CTNNA2: variants seen among roughly 807,000 people sequenced by gnomAD.
CTNNA2 encodes the protein catenin alpha 2, also known as catenin alpha-2.
In CTNNA2, 42 loss-of-function variants were observed where a neutral mutation model predicts 101.0. That is an observed-to-expected ratio of 0.42 (90% CI 0.32 to 0.54). The LOEUF is 0.54. Ranked by LOEUF, CTNNA2 falls within the 20% of genes least tolerant of loss-of-function variation. The pLI, the probability that CTNNA2 is intolerant of heterozygous loss-of-function variation, is 0.14. For synonymous variants in CTNNA2, 450 were observed against 456.4 expected (o/e 0.99, Z 0.18); for missense variants, 871 against 1,223.1 (o/e 0.71, Z 4.29).
chr2:80,084,767 A>G (rs147833955), intron 7 of CTNNA2, among the ~76,000 whole-genome samples: 5 of 152,198 alleles, frequency 3.3e-5, no homozygotes, highest in African/African-American at 1.2e-4. Flanking sequence ...ACTTATGTAA[A>G]TAAGCAAAGG....
chr2:80,619,591 A>AT (rs1670895958), intron 18 of CTNNA2, among the ~76,000 whole-genome samples: 3 of 152,024 alleles, frequency 2.0e-5, no homozygotes, highest in East Asian at 3.9e-4. Context: ...TGTTTGGAAG[A>AT]TTTCAGGGTC....
intron 7 of CTNNA2, among the ~76,000 whole-genome samples, chr2:80,201,231 C>T (rs943210221): frequency 3.3e-5 from 5 of 151,872 alleles, no homozygotes; most frequent in African/African-American, 1.2e-4. Flanking sequence ...TGCTCAGTTG[C>T]TTGAATCCAT....
In CTNNA2 at chr2:79,825,804, A is replaced by G. The variant is rs896304733; in HGVS notation, c.299-32209A>G. Among the ~76,000 whole-genome samples the G allele has an allele frequency of 3.9e-5, 6 of 152,224 alleles. No homozygotes were observed. The South Asian group carries it at 8.3e-4, about 21-fold the overall frequency. On this transcript the variant is annotated intron_variant, in intron 3 of 18. Coordinates refer to ENST00000402739, the MANE Select transcript of CTNNA2 (RefSeq NM_001282597.3). ...GAAAAAAGTGAAGAAGCTTGGGACC[A>G]AGCCCTGAGGATCAGAAGCATTTAG...
At chr2:79,279,018 T>C (rs1356691614) in intron 2 of CTNNA2, among the ~76,000 whole-genome samples, 1 of 152,144 alleles carries the variant, frequency 6.6e-6, no homozygotes, top group Admixed American at 6.5e-5. Context: ...GGAGATGATG[T>C]GCAGATAATC....
At chr2:79,821,781 C>A (rs1170638782) in intron 3 of CTNNA2, among the ~76,000 whole-genome samples, 1 of 152,090 alleles carries the variant, frequency 6.6e-6, no homozygotes, top group Admixed American at 6.6e-5. Context: ...ACATATGGAA[C>A]AAGAACCTGG....
intron 7 of CTNNA2, among the ~76,000 whole-genome samples, chr2:79,926,866 C>T (rs1193866449): frequency 1.3e-5 from 2 of 151,646 alleles, no homozygotes; most frequent in African/African-American, 4.8e-5. Flanking sequence ...TATTAAGTCC[C>T]TTCCAAATAA....
chr2:79,261,458 AAG>A (rs1674920425), intron 2 of CTNNA2, among the ~76,000 whole-genome samples: 1 of 152,336 alleles, frequency 6.6e-6, no homozygotes, highest in South Asian at 2.1e-4. Context: ...CTGCTATATG[AAG>A]ATATCACAGA....
intron 13 of CTNNA2, among the ~76,000 whole-genome samples, chr2:80,577,793 G>A (rs1224178749): frequency 1.4e-5 from 2 of 143,504 alleles, no homozygotes; most frequent in Non-Finnish European, 3.0e-5. Context: ...CCTACCTCAT[G>A]CATCTCTCAA....
chr2:79,280,492 G>A (rs1269809937), intron 2 of CTNNA2, among the ~76,000 whole-genome samples: 2 of 152,000 alleles, frequency 1.3e-5, no homozygotes, highest in Non-Finnish European at 2.9e-5. Context: ...CCCGGAGCAG[G>A]GGGTCCTGGT....
At chr2:79,496,162 A>C (rs1254172085) in intron 4 of CTNNA2, among the ~76,000 whole-genome samples, 1 of 152,218 alleles carries the variant, frequency 6.6e-6, no homozygotes, top group African/African-American at 2.4e-5. Flanking sequence ...ATAATATTCT[A>C]AAAAGTATTT....
intron 7 of CTNNA2, among the ~76,000 whole-genome samples, chr2:79,922,180 A>G (rs1297905068): frequency 2.0e-5 from 3 of 152,184 alleles, no homozygotes; most frequent in Non-Finnish European, 4.4e-5. Context: ...TGTCTAAATT[A>G]TCCTCCACTA....
At chr2:80,258,716 C>G (rs1010621939) in intron 7 of CTNNA2, among the ~76,000 whole-genome samples, 9 of 152,136 alleles carry the variant, frequency 5.9e-5, no homozygotes, top group Non-Finnish European at 1.3e-4. Flanking sequence ...AAAACCATAA[C>G]CGGCAGGGAA....
intron 8 of CTNNA2, among the ~76,000 whole-genome samples, chr2:80,396,727 C>T (rs1296252889): frequency 1.3e-5 from 2 of 152,212 alleles, no homozygotes; most frequent in Admixed American, 1.3e-4. Context: ...AGCACCCAAA[C>T]ATTTCTCTCT....
chr2:79,336,368 G>A (rs2104423262), intron 3 of CTNNA2, among the ~76,000 whole-genome samples: 1 of 152,256 alleles, frequency 6.6e-6, no homozygotes, highest in South Asian at 2.1e-4. Flanking sequence ...ACACAGTTAA[G>A]AGTCCCCCAC....
At chr2:80,305,362 C>A (rs1303811906) in intron 7 of CTNNA2, 4 of 985,116 alleles carry the variant, frequency 4.1e-6, no homozygotes, top group Middle Eastern at 1.0e-3. Flanking sequence ...GAGATCCCTC[C>A]GGGGCTTCAT....
chr2:79,469,033 G>T (rs898548255), intron 4 of CTNNA2, among the ~76,000 whole-genome samples: 25 of 152,116 alleles, frequency 1.6e-4, no homozygotes, highest in Non-Finnish European at 3.5e-4. Context: ...TAAGATCAGA[G>T]CAGAACTGAA....
At chr2:79,573,575 A>G (rs952232548) in intron 1 of CTNNA2, among the ~76,000 whole-genome samples, 1 of 152,256 alleles carries the variant, frequency 6.6e-6, no homozygotes. Flanking sequence ...AATTCTACTG[A>G]TGAGGGACTC....
At chr2:80,441,538 T>A (rs1445087760) in intron 9 of CTNNA2, among the ~76,000 whole-genome samples, 2 of 152,232 alleles carry the variant, frequency 1.3e-5, no homozygotes, top group East Asian at 3.8e-4. Flanking sequence ...AGCAGCCTTA[T>A]CTTCCACAGA....
At chr2:79,196,748 G>C (rs1673966624) in intron 1 of CTNNA2, among the ~76,000 whole-genome samples, 1 of 152,186 alleles carries the variant, frequency 6.6e-6, no homozygotes, top group African/African-American at 2.4e-5. Context: ...AAGCAAATTT[G>C]TTGCACTGTG....
Sources: allele counts gnomAD v4.1 joint callset (sites outside exome capture counted in the v4.1 genomes callset), GRCh38; gene constraint gnomAD v4.1.1; transcripts MANE v1.5; gene names NCBI Gene and HGNC (gene_info 2026-07-23, HGNC 2026-07-21).